Variants in PCDHA13 observed in about 807,000 individuals in gnomAD.
PCDHA13 encodes the protein protocadherin alpha 13.
PCDHA13 carries 54 observed loss-of-function variants against 64.8 expected under a neutral mutation model. The ratio of observed to expected loss-of-function variants is 0.83; its 90% CI spans 0.67 to 1.04. The LOEUF is 1.04. Among genes scored for constraint, PCDHA13 ranks in the 50% least tolerant of loss-of-function variants. The pLI is 0.00. For synonymous variants in PCDHA13, 587 were observed against 564.4 expected (o/e 1.04, Z -0.57); for missense variants, 1,248 against 1,254.3 (o/e 0.99, Z 0.08).
At position 140,951,508 on chromosome 5, in the gene PCDHA13, G is replaced by A. The variant is rs536073969; in HGVS notation, c.2395-27441G>A. Among the ~76,000 whole-genome samples the A allele has an allele frequency of 3.9e-5, 6 of 152,080 alleles. No individual in the cohort carries two copies. The South Asian group carries it at 6.2e-4, about 16-fold the overall frequency. On this transcript the variant is annotated intron_variant, in intron 1 of 3. Coordinates refer to ENST00000289272, the MANE Select transcript of PCDHA13 (RefSeq NM_018904.3). ...TCATGGTGGAAGGCAAAAGGAAAGC[G>A]GCTCATCTTACATGGCCGGTGCAGG...
chr5:140,946,271 A>G (rs2093916351), intron 1 of PCDHA13, among the ~76,000 whole-genome samples: 1 of 152,058 alleles, frequency 6.6e-6, no homozygotes, highest in Non-Finnish European at 1.5e-5. Context: ...GCGAATTAAA[A>G]CCCCAATGAG....
chr5:140,948,986 T>C (rs2094331337), intron 1 of PCDHA13, among the ~76,000 whole-genome samples: 1 of 151,752 alleles, frequency 6.6e-6, no homozygotes, highest in Non-Finnish European at 1.5e-5. Context: ...ACTGCTTTAT[T>C]TGCATTTTAC....
intron 3 of PCDHA13, among the ~76,000 whole-genome samples, chr5:140,990,378 T>G (rs1554251448): frequency 6.6e-6 from 1 of 152,128 alleles, no homozygotes; most frequent in African/African-American, 2.4e-5. Context: ...GCAAATTTGT[T>G]GGTGATGTTC....
chr5:140,916,143 T>C (rs1237563249), intron 1 of PCDHA13, among the ~76,000 whole-genome samples: 3 of 152,012 alleles, frequency 2.0e-5, no homozygotes, highest in African/African-American at 7.2e-5. Flanking sequence ...GCTGTTCAGT[T>C]GTGTTGTGGT....
intron 1 of PCDHA13, among the ~76,000 whole-genome samples, chr5:140,956,473 A>G (rs1269855039): frequency 1.1e-4 from 17 of 152,136 alleles, no homozygotes; most frequent in Admixed American, 1.1e-3. Context: ...CATATGTTGA[A>G]CCAGTCTTGC....
intron 1 of PCDHA13, among the ~76,000 whole-genome samples, chr5:140,950,537 C>T (rs1439965496): frequency 1.3e-5 from 2 of 152,002 alleles, no homozygotes; most frequent in Non-Finnish European, 1.5e-5. Flanking sequence ...TTTTGTTGCT[C>T]TTGCATGGCT....
intron 3 of PCDHA13, among the ~76,000 whole-genome samples, chr5:140,987,294 C>A (rs1406567852): frequency 6.6e-6 from 1 of 152,004 alleles, no homozygotes; most frequent in Non-Finnish European, 1.5e-5. Context: ...AACAAGCCTT[C>A]TATGTGATAC....
At chr5:140,994,222 C>T (rs2097605581) in intron 3 of PCDHA13, among the ~76,000 whole-genome samples, 1 of 152,168 alleles carries the variant, frequency 6.6e-6, no homozygotes, top group Admixed American at 6.5e-5. Context: ...CAGGGTCTGT[C>T]TATGTTATAA....
In PCDHA13 at chr5:140,883,231, G is replaced by A; in HGVS notation, c.963G>A (p.Glu321=). The part of the protein sequence containing the change: ...EEKKLYEISV[E]AVDKGNIPMA... ...AGAAATTATATGAAATATCCGTGGAGGCAGTTGACAAAGGAAATATTCCAA... is the reference window on the plus strand; with the variant it reads ...AGAAATTATATGAAATATCCGTGGAAGCAGTTGACAAAGGAAATATTCCAA... Residue 321 remains glutamate, a synonymous_variant, in exon 1 of 4, where the codon GAG becomes GAA. Coordinates refer to ENST00000289272, the MANE Select transcript of PCDHA13 (RefSeq NM_018904.3). The A allele has an allele frequency of 6.2e-7, 1 of 1,613,930 alleles. No homozygotes were observed. Among genetic ancestry groups the A allele is most frequent in the Non-Finnish European group, 8.5e-7 (1 of 1,180,012 alleles).
At chr5:140,984,643 C>G (rs1300632981) in intron 3 of PCDHA13, among the ~76,000 whole-genome samples, 3 of 152,152 alleles carry the variant, frequency 2.0e-5, no homozygotes, top group Non-Finnish European at 4.4e-5. Context: ...TCTGCCTTCT[C>G]CCTGTCCTTC....
intron 1 of PCDHA13, among the ~76,000 whole-genome samples, chr5:140,976,433 C>T (rs2096716122): frequency 6.6e-6 from 1 of 152,036 alleles, no homozygotes; most frequent in South Asian, 2.1e-4. Context: ...TGCCTGTAAT[C>T]CCAGCTACTA....
chr5:140,933,405 T>C (rs2089126451), intron 1 of PCDHA13, among the ~76,000 whole-genome samples: 1 of 152,062 alleles, frequency 6.6e-6, no homozygotes, highest in African/African-American at 2.4e-5. Context: ...GGTTACCATC[T>C]ACAGATATTC....
intron 1 of PCDHA13, among the ~76,000 whole-genome samples, chr5:140,910,796 C>T (rs2075173732): frequency 6.6e-6 from 1 of 152,112 alleles, no homozygotes; most frequent in South Asian, 2.1e-4. Flanking sequence ...ATGCAGAATC[C>T]CTGCTTAGTG....
intron 2 of PCDHA13, 179 bp from the exon 3 acceptor site, chr5:140,982,296 C>G (rs886254601): frequency 8.6e-7 from 1 of 1,167,014 alleles, no homozygotes; most frequent in African/African-American, 1.5e-5. Context: ...AGTAAGTCAG[C>G]AATGCTTCTG....
chr5:140,885,592 G>A (rs1428219345), intron 1 of PCDHA13, among the ~76,000 whole-genome samples: 1 of 152,102 alleles, frequency 6.6e-6, no homozygotes, highest in Non-Finnish European at 1.5e-5. Context: ...ATGCATCAAA[G>A]ATATTAATAA....
chr5:140,932,222 A>T (rs2088129167), intron 1 of PCDHA13, among the ~76,000 whole-genome samples: 1 of 151,870 alleles, frequency 6.6e-6, no homozygotes, highest in African/African-American at 2.4e-5. Flanking sequence ...GGCAATTTAA[A>T]TTTTTTAGAA....
At chr5:141,007,448 G>A (rs555583994) in intron 3 of PCDHA13, among the ~76,000 whole-genome samples, 2 of 150,352 alleles carry the variant, frequency 1.3e-5, no homozygotes, top group African/African-American at 4.9e-5. Context: ...TGTGCCTGTA[G>A]TCCCAGCTAC....
Position 140,883,659 on chromosome 5 carries a change from T to A in PCDHA13, c.1391T>A (p.Val464Glu), listed in dbSNP as rs2059734857. 6.2e-7 allele frequency: 1 copy of A among 1,612,766 alleles called. No individual in the cohort carries two copies. Residue 464 changes from valine to glutamate, a missense_variant, in exon 1 of 4, where the codon GTG becomes GAG. Transcript: ENST00000289272. ...GCGCAGCCCGAGTACACGGTGTTCG[T>A]GAAGGAAAACAATCCGCCGGGCTGC... ...AFAQPEYTVFVKENNPPGCHI... is the reference protein window; with the variant it reads ...AFAQPEYTVFEKENNPPGCHI...
intron 1 of PCDHA13, among the ~76,000 whole-genome samples, chr5:140,956,909 A>C (rs1395848380): frequency 2.0e-5 from 3 of 152,198 alleles, no homozygotes; most frequent in African/African-American, 7.2e-5. Context: ...TAAATGTATA[A>C]ACTTTAATCT....
Sources: gnomAD v4.1 joint callset for allele counts (sites outside exome capture counted in the v4.1 genomes callset) on GRCh38, gnomAD v4.1.1 for gene constraint, MANE v1.5 for transcripts, NCBI Gene and HGNC (gene_info 2026-07-23, HGNC 2026-07-21) for gene names.